SPTLC2: variants seen among roughly 807,000 people sequenced by gnomAD.
The protein encoded by SPTLC2 is serine palmitoyltransferase long chain base subunit 2.
In SPTLC2, 21 loss-of-function variants were observed where a neutral mutation model predicts 62.0. The ratio of observed to expected loss-of-function variants is 0.34; its 90% CI spans 0.24 to 0.49. SPTLC2 has a LOEUF of 0.49. Ranked by LOEUF, SPTLC2 falls within the 20% of genes least tolerant of loss-of-function variation. The probability of loss-of-function intolerance (pLI) is 0.99; values close to 1 mark genes in which losing one functional copy is unlikely to be tolerated. For missense variants in SPTLC2, 511 were observed against 713.0 expected (o/e 0.72, Z 3.23); for synonymous variants, 261 against 261.8 (o/e 1.00, Z 0.03).
intron 3 of SPTLC2, among the ~76,000 whole-genome samples, chr14:77,578,042 G>A (rs2079726640): frequency 6.6e-6 from 1 of 152,204 alleles, no homozygotes. Flanking sequence ...CTACCAGAGA[G>A]GCTAAGGTGG....
At chr14:77,578,794 T>TAAA in intron 3 of SPTLC2, 161 bp downstream of exon 3, 5 of 646,196 alleles carry the variant, frequency 7.7e-6, no homozygotes, top group Non-Finnish European at 1.3e-5. Flanking sequence ...AGATATATCT[T>TAAA]AAAAAGCTCA....
intron 2 of SPTLC2, among the ~76,000 whole-genome samples, chr14:77,590,790 A>G (rs1000584384): frequency 6.6e-6 from 1 of 152,256 alleles, no homozygotes; most frequent in African/African-American, 2.4e-5. Flanking sequence ...ACAAAAGCAA[A>G]AAGGAAAGGG....
At chr14:77,526,618 A>G (rs928114377) in intron 9 of SPTLC2, among the ~76,000 whole-genome samples, 3 of 152,184 alleles carry the variant, frequency 2.0e-5, no homozygotes, top group African/African-American at 7.2e-5. Flanking sequence ...AAAAAAATCT[A>G]CAGCTTGGCA....
At chr14:77,603,168 A>G (rs1374429825) in intron 1 of SPTLC2, among the ~76,000 whole-genome samples, 2 of 152,240 alleles carry the variant, frequency 1.3e-5, no homozygotes, top group Non-Finnish European at 2.9e-5. Flanking sequence ...ACAAAATCAC[A>G]AAAGCATAAT....
intron 2 of SPTLC2, among the ~76,000 whole-genome samples, chr14:77,585,656 A>G (rs1403673499): frequency 1.3e-5 from 2 of 152,222 alleles, no homozygotes; most frequent in East Asian, 1.9e-4. Context: ...GTGCAGGGAA[A>G]AAAAACTGGG....
At chr14:77,557,863 G>A (rs577799278) in intron 6 of SPTLC2, among the ~76,000 whole-genome samples, 19 of 152,200 alleles carry the variant, frequency 1.2e-4, no homozygotes, top group African/African-American at 4.3e-4. Context: ...GGCTGCTACT[G>A]CCATTAATGA....
chr14:77,572,870 C>G (rs930407704), intron 4 of SPTLC2, among the ~76,000 whole-genome samples: 3 of 152,104 alleles, frequency 2.0e-5, no homozygotes, highest in Admixed American at 1.3e-4. Flanking sequence ...AGAATTGAAG[C>G]GATTAGGATC....
chr14:77,567,083 GC>G (rs1254251090), intron 5 of SPTLC2, among the ~76,000 whole-genome samples: 2 of 151,848 alleles, frequency 1.3e-5, no homozygotes, highest in Non-Finnish European at 2.9e-5. Flanking sequence ...CCATTCTCCT[GC>G]CTCAGCCTCC....
rs1200846118 is a variant in SPTLC2, at chr14:77,507,923, T to G, written c.*4361A>C. ...TTTTTTCTTAGATGGGGTCTTGCTG[T>G]GTTGCCCAGGCTACGCTCAAATTCT... On this transcript the variant is annotated 3_prime_UTR_variant, in exon 12 of 12. Transcript: ENST00000216484. The G allele has an allele frequency of 6.6e-6, 1 of 152,274 alleles. No individual in the cohort carries two copies. Among genetic ancestry groups the G allele is most frequent in the East Asian group, 1.9e-4 (1 of 5,194 alleles). 9.4% of individuals were successfully genotyped at this position (152,274 alleles called of 1,614,324 possible). A position where few individuals can be genotyped will look rare whatever the true frequency, so the allele number is the denominator to read the frequency against.
chr14:77,541,992 G>A (rs2079503034), intron 9 of SPTLC2, among the ~76,000 whole-genome samples: 1 of 151,832 alleles, frequency 6.6e-6, no homozygotes, highest in Non-Finnish European at 1.5e-5. Flanking sequence ...GGGAAGCGGA[G>A]GTTGCAGTGA....
chr14:77,586,952 G>A (rs2079784952), intron 2 of SPTLC2, among the ~76,000 whole-genome samples: 1 of 152,188 alleles, frequency 6.6e-6, no homozygotes, highest in African/African-American at 2.4e-5. Flanking sequence ...TTGGCCGGGC[G>A]CAGTGGCTCA....
chr14:77,590,625 T>C (rs952119641), intron 2 of SPTLC2, among the ~76,000 whole-genome samples: 6 of 152,222 alleles, frequency 3.9e-5, no homozygotes, highest in Admixed American at 1.3e-4. Flanking sequence ...GGCAGGAGAA[T>C]TGCTTGAACC....
Position 77,555,288 on chromosome 14 carries a change from TG to T in SPTLC2, c.1176+11del. 1.9e-6 allele frequency: 3 copies of T among 1,614,108 alleles called. No homozygotes were observed. Among genetic ancestry groups the T allele is most frequent in the Non-Finnish European group, 2.5e-6 (3 of 1,180,012 alleles). ...CTTTATCTCTAATCGCTCATTCTCATGGCTCGTTTACCTTCTTGCCTCCAAT... is the reference window on the plus strand; with the variant it reads ...CTTTATCTCTAATCGCTCATTCTCATGCTCGTTTACCTTCTTGCCTCCAAT... On this transcript the variant is annotated intron_variant, in intron 8 of 11. Coordinates refer to ENST00000216484, the MANE Select transcript of SPTLC2 (RefSeq NM_004863.4).
At chr14:77,552,426 T>C (rs1313972911) in intron 8 of SPTLC2, among the ~76,000 whole-genome samples, 1 of 152,228 alleles carries the variant, frequency 6.6e-6, no homozygotes, top group Non-Finnish European at 1.5e-5. Flanking sequence ...TTCTTAGGTT[T>C]GGTTTTGTTT....
intron 9 of SPTLC2, among the ~76,000 whole-genome samples, chr14:77,524,497 A>G (rs2079399580): frequency 6.6e-6 from 1 of 152,186 alleles, no homozygotes; most frequent in South Asian, 2.1e-4. Context: ...CAATCCAGCA[A>G]TCCCACTACT....
chr14:77,579,971 C>T (rs1343694365), intron 2 of SPTLC2, among the ~76,000 whole-genome samples: 1 of 152,228 alleles, frequency 6.6e-6, no homozygotes, highest in Non-Finnish European at 1.5e-5. Flanking sequence ...AATGGTTTCC[C>T]TCCCTAATAA....
At chr14:77,579,595 T>C (rs2079736490) in intron 2 of SPTLC2, among the ~76,000 whole-genome samples, 1 of 151,874 alleles carries the variant, frequency 6.6e-6, no homozygotes. Flanking sequence ...CAAAAACATT[T>C]TAAAAATTAG....
rs1426980042 is a variant in SPTLC2 at position 77,616,444 on chromosome 14, G to A, written c.132+4C>T. 33 of 1,473,962 alleles carry A rather than the reference G, an allele frequency of 2.2e-5. 1 individual carries two copies. Among genetic ancestry groups the A allele is most frequent in the Non-Finnish European group, 1.8e-5 (20 of 1,117,164 alleles). The allele number at this position is 1,473,962 out of a possible 1,614,324, so 91.3% of individuals were successfully genotyped here. A position where few individuals can be genotyped will look rare whatever the true frequency, so the allele number is the denominator to read the frequency against. ...CCCGGCCCCGCCGCGCGGGCCCCTCGTACCTGGCCGGCGGCGGCTGCGGCT... is the reference window on the plus strand; with the variant it reads ...CCCGGCCCCGCCGCGCGGGCCCCTCATACCTGGCCGGCGGCGGCTGCGGCT... On this transcript the variant is annotated splice_donor_region_variant and intron_variant, in intron 1 of 11. Transcript: ENST00000216484.
At chr14:77,537,034 T>G (rs2079474911) in intron 9 of SPTLC2, among the ~76,000 whole-genome samples, 1 of 151,592 alleles carries the variant, frequency 6.6e-6, no homozygotes, top group Admixed American at 6.6e-5. Flanking sequence ...GCAATTCTCC[T>G]GCCTCAGCCT....
Sources: allele counts gnomAD v4.1 joint callset (sites outside exome capture counted in the v4.1 genomes callset), GRCh38; gene constraint gnomAD v4.1.1; transcripts MANE v1.5; gene names NCBI Gene and HGNC (gene_info 2026-07-23, HGNC 2026-07-21).